The following GUCY1A2 variants were observed in gnomAD, a reference collection of about 807,000 sequenced individuals.
The protein encoded by GUCY1A2 is guanylate cyclase soluble subunit alpha-2.
GUCY1A2 carries 27 observed loss-of-function variants against 63.5 expected under a neutral mutation model. The observed-to-expected ratio is 0.43, with a 90% CI of 0.31 to 0.59. GUCY1A2 has a LOEUF of 0.59. Ranked by LOEUF, GUCY1A2 falls within the 20% of genes least tolerant of loss-of-function variation. The probability of loss-of-function intolerance (pLI) is 0.11; values close to 1 mark genes in which losing one functional copy is unlikely to be tolerated. For synonymous variants in GUCY1A2, 364 were observed against 343.5 expected (o/e 1.06, Z -0.66); for missense variants, 768 against 913.3 (o/e 0.84, Z 2.05).
At chr11:106,741,840 ATCAAG>A (rs1863699948) in intron 6 of GUCY1A2, among the ~76,000 whole-genome samples, 1 of 152,234 alleles carries the variant, frequency 6.6e-6, no homozygotes, top group Non-Finnish European at 1.5e-5. Flanking sequence ...AATGTCAACA[ATCAAG>A]TGCACTGAAT....
At chr11:107,008,803 C>T (rs1252135515) in intron 1 of GUCY1A2, among the ~76,000 whole-genome samples, 1 of 152,124 alleles carries the variant, frequency 6.6e-6, no homozygotes, top group Non-Finnish European at 1.5e-5. Context: ...TGCGTGTGTA[C>T]ATAAAAACAG....
At chr11:106,999,653 G>A (rs190826317) in intron 1 of GUCY1A2, among the ~76,000 whole-genome samples, 1 of 152,174 alleles carries the variant, frequency 6.6e-6, no homozygotes, top group Non-Finnish European at 1.5e-5. Context: ...ACTCATACTT[G>A]AAAGTGACTT....
At chr11:106,718,982 T>A (rs1054644620) in intron 6 of GUCY1A2, among the ~76,000 whole-genome samples, 1 of 152,136 alleles carries the variant, frequency 6.6e-6, no homozygotes, top group Non-Finnish European at 1.5e-5. Flanking sequence ...ATCTAACCAA[T>A]GGCACTAAGG....
chr11:106,978,144 G>A (rs1861286941), intron 3 of GUCY1A2, among the ~76,000 whole-genome samples: 1 of 152,064 alleles, frequency 6.6e-6, no homozygotes, highest in Non-Finnish European at 1.5e-5. Context: ...ACCCCAAGTA[G>A]GGCACAGACA....
At chr11:106,883,575 T>C (rs2135473141) in intron 4 of GUCY1A2, among the ~76,000 whole-genome samples, 1 of 152,236 alleles carries the variant, frequency 6.6e-6, no homozygotes, top group East Asian at 1.9e-4. Flanking sequence ...AAATCAGAAT[T>C]CAGGTAAGGC....
intron 4 of GUCY1A2, among the ~76,000 whole-genome samples, chr11:106,817,246 TAAAA>T (rs1411797199): frequency 1.3e-5 from 2 of 152,096 alleles, no homozygotes; most frequent in Non-Finnish European, 1.5e-5. Flanking sequence ...GAATTTTCCT[TAAAA>T]CATATTGATA....
intron 3 of GUCY1A2, among the ~76,000 whole-genome samples, chr11:106,945,959 C>A (rs1489558820): frequency 2.6e-5 from 4 of 152,048 alleles, no homozygotes. Flanking sequence ...GAGCGAAACC[C>A]ATCTCAAAAA....
chr11:106,688,634 A>AC (rs1170988745), intron 7 of GUCY1A2, among the ~76,000 whole-genome samples: 1 of 152,186 alleles, frequency 6.6e-6, no homozygotes, highest in Non-Finnish European at 1.5e-5. Context: ...TTTTAAAAAA[A>AC]CCCAATAAAT....
intron 4 of GUCY1A2, among the ~76,000 whole-genome samples, chr11:106,880,425 C>G (rs1358185129): frequency 1.3e-5 from 2 of 151,876 alleles, no homozygotes; most frequent in African/African-American, 4.8e-5. Context: ...AGCCCACTGC[C>G]GCTGGACCAC....
chr11:106,750,343 C>T (rs1313044940), intron 6 of GUCY1A2, among the ~76,000 whole-genome samples: 1 of 152,060 alleles, frequency 6.6e-6, no homozygotes, highest in African/African-American at 2.4e-5. Context: ...GAGGGTGGGT[C>T]TTCCTCTCCT....
At chr11:106,947,620 C>T (rs1860848333) in intron 3 of GUCY1A2, among the ~76,000 whole-genome samples, 1 of 151,804 alleles carries the variant, frequency 6.6e-6, no homozygotes, top group South Asian at 2.1e-4. Context: ...ATAAAAACCC[C>T]ATAAAATATT....
intron 4 of GUCY1A2, among the ~76,000 whole-genome samples, chr11:106,838,131 C>T (rs2135441268): frequency 6.6e-6 from 1 of 152,044 alleles, no homozygotes; most frequent in South Asian, 2.1e-4. Flanking sequence ...GTGTGCAACC[C>T]TACCCTCTCA....
intron 4 of GUCY1A2, among the ~76,000 whole-genome samples, chr11:106,912,588 G>A (rs1004220272): frequency 1.3e-5 from 2 of 152,032 alleles, no homozygotes; most frequent in African/African-American, 4.8e-5. Context: ...AACTGCAGTG[G>A]GGTGAGGTTT....
chr11:106,700,018 C>T (rs1361475500), intron 7 of GUCY1A2, among the ~76,000 whole-genome samples: 1 of 151,946 alleles, frequency 6.6e-6, no homozygotes, highest in Non-Finnish European at 1.5e-5. Context: ...CTCCTGACTT[C>T]GTGATCCGCC....
At chr11:107,000,104 A>C (rs1861593293) in intron 1 of GUCY1A2, among the ~76,000 whole-genome samples, 1 of 152,220 alleles carries the variant, frequency 6.6e-6, no homozygotes, top group Non-Finnish European at 1.5e-5. Context: ...TTCAGCAGGA[A>C]AGTTAGGTTT....
At chr11:106,837,162 AG>A (rs1859128327) in intron 4 of GUCY1A2, among the ~76,000 whole-genome samples, 1 of 151,882 alleles carries the variant, frequency 6.6e-6, no homozygotes, top group Admixed American at 6.6e-5. Context: ...TGCACACTCA[AG>A]GAGGCCCCAG....
At chr11:106,953,036 G>C (rs776648072) in intron 3 of GUCY1A2, among the ~76,000 whole-genome samples, 1 of 152,122 alleles carries the variant, frequency 6.6e-6, no homozygotes. Flanking sequence ...TCTCTTGCCT[G>C]ATTGCCCTGG....
chr11:106,990,772 T>C (rs1861460785), intron 1 of GUCY1A2, among the ~76,000 whole-genome samples: 1 of 152,222 alleles, frequency 6.6e-6, no homozygotes, highest in African/African-American at 2.4e-5. Context: ...AAGTGTATCC[T>C]TTTGCACTAG....
intron 3 of GUCY1A2, among the ~76,000 whole-genome samples, chr11:106,972,161 C>G (rs182205900): frequency 1.3e-5 from 2 of 152,076 alleles, no homozygotes; most frequent in East Asian, 1.9e-4. Flanking sequence ...AATCCTGGAA[C>G]AGGAAAAGGT....
Sources: gnomAD v4.1 joint callset for allele counts (sites outside exome capture counted in the v4.1 genomes callset) on GRCh38, gnomAD v4.1.1 for gene constraint, MANE v1.5 for transcripts, NCBI Gene and HGNC (gene_info 2026-07-23, HGNC 2026-07-21) for gene names.